GOLGA3: variants seen among roughly 807,000 people sequenced by gnomAD.
GOLGA3 encodes golgin subfamily A member 3.
Under a neutral mutation model 169.4 loss-of-function variants are expected in GOLGA3, and 75 were observed. The observed-to-expected ratio is 0.44, with a 90% CI of 0.37 to 0.54. GOLGA3 has a LOEUF of 0.54. GOLGA3 is among the 20% of genes least tolerant of loss of function. GOLGA3 has a pLI of 0.00. For synonymous variants in GOLGA3, 824 were observed against 822.4 expected (o/e 1.00, Z -0.03); for missense variants, 1,899 against 1,930.0 (o/e 0.98, Z 0.30).
At chr12:132,823,257 T>C (rs889069442) in intron 1 of GOLGA3, among the ~76,000 whole-genome samples, 29 of 152,248 alleles carry the variant, frequency 1.9e-4, no homozygotes, top group African/African-American at 6.8e-4. Context: ...GCCCAACATT[T>C]GGCAAGTGAT....
intron 21 of GOLGA3, among the ~76,000 whole-genome samples, chr12:132,776,084 G>A (rs1309271543): frequency 6.6e-6 from 1 of 152,206 alleles, no homozygotes; most frequent in African/African-American, 2.4e-5. Context: ...CCTGGCCGCA[G>A]GCCGCATGGC....
At position 132,781,027 on chromosome 12, in the gene GOLGA3, T is replaced by A. The variant is rs763433749; in HGVS notation, c.3466-113A>T. 1.7e-5 allele frequency: 13 copies of A among 745,992 alleles called. No homozygotes were observed. In the Admixed American group the frequency reaches 2.5e-4, roughly 14 times the overall value. The allele number at this position is 745,992 out of a possible 1,614,324, so 46.2% of individuals were successfully genotyped here. A position where few individuals can be genotyped will look rare whatever the true frequency, so the allele number is the denominator to read the frequency against. ...ACATCACAGGCACACGCCAGGGAGGTAGAGGGAACTTCACTGCTGAAGAAT... is the reference window on the plus strand; with the variant it reads ...ACATCACAGGCACACGCCAGGGAGGAAGAGGGAACTTCACTGCTGAAGAAT... On this transcript the variant is annotated intron_variant, in intron 17 of 23. Coordinates refer to ENST00000450791, the MANE Select transcript of GOLGA3 (RefSeq NM_001389683.1).
rs1949527070 is a variant in GOLGA3 at position 132,808,338 on chromosome 12, CG to C, written c.730del (p.Arg244GlyfsTer30). The part of the protein sequence containing the change: ...EKKTSKSSKI[R>X]SLADYRTEDS... Reference sequence around the variant, plus strand: ...TTCAGTTCTGTAATCGGCCAGAGACCGGATTTTGCTTGATTTGGAAGTTTTT... The same window carrying C: ...TTCAGTTCTGTAATCGGCCAGAGACCGATTTTGCTTGATTTGGAAGTTTTT... On this transcript the variant is annotated frameshift_variant, in exon 5 of 24. Coordinates refer to ENST00000450791, the MANE Select transcript of GOLGA3 (RefSeq NM_001389683.1). LOFTEE classifies it high-confidence loss of function. 1 of 1,613,962 alleles carries C rather than the reference CG, an allele frequency of 6.2e-7. No homozygotes were observed. The highest frequency in any genetic ancestry group is 1.3e-5 in the African/African-American group (1 of 74,876).
rs1396825497 is a variant in GOLGA3, at chr12:132,813,514, A to G, written c.407-95T>C. On this transcript the variant is annotated intron_variant, in intron 3 of 23. Coordinates refer to ENST00000450791, the MANE Select transcript of GOLGA3 (RefSeq NM_001389683.1). ...TTGGTCATTTTGTACTTAATTACCC[A>G]TATACTTTACACCTAAACAATGCAC... The G allele has an allele frequency of 7.7e-6, 5 of 652,790 alleles. No homozygotes were observed. The East Asian group carries it at 8.2e-5, about 11-fold the overall frequency. 40.4% of individuals were successfully genotyped at this position (652,790 alleles called of 1,614,324 possible).
At chr12:132,800,369 C>T (rs1000343571) in intron 8 of GOLGA3, among the ~76,000 whole-genome samples, 1 of 152,106 alleles carries the variant, frequency 6.6e-6, no homozygotes, top group Non-Finnish European at 1.5e-5. Context: ...TGGCGGGCGC[C>T]TGTAATCCCA....
At chr12:132,778,552 CAG>C (rs531292906) in intron 18 of GOLGA3, among the ~76,000 whole-genome samples, 217 of 151,142 alleles carry the variant, frequency 1.4e-3, no homozygotes, top group Non-Finnish European at 2.6e-3. Flanking sequence ...GCCTGGGCGA[CAG>C]AGCGAGACTC....
At chr12:132,799,458 C>T (rs938893198) in intron 8 of GOLGA3, among the ~76,000 whole-genome samples, 3 of 152,184 alleles carry the variant, frequency 2.0e-5, no homozygotes, top group Admixed American at 1.3e-4. Flanking sequence ...GGCAACATAG[C>T]GAGACCCTGT....
In GOLGA3 at chr12:132,789,263, C is replaced by A; in HGVS notation, c.2575G>T (p.Ala859Ser). The change falls in exon 13 of 24, where the codon GCC (alanine) becomes TCC (serine). Residue 859 changes from alanine (A) to serine (S), a missense_variant. Physicochemically the swap from Ala to Ser is moderately conservative, Grantham distance 99 (BLOSUM62 1). Coordinates refer to ENST00000450791, the MANE Select transcript of GOLGA3 (RefSeq NM_001389683.1). ...CTGATGAGCTGGTCTTTGGAGGTGG[C>A]GTCGCGCCGGTAGGCCTCCACCATC... The part of the protein sequence containing the change: ...KVMVEAYRRD[A>S]TSKDQLISEL... 6.2e-7 allele frequency: 1 copy of A among 1,601,874 alleles called. No homozygotes were observed. Among genetic ancestry groups the A allele is most frequent in the Non-Finnish European group, 8.5e-7 (1 of 1,178,388 alleles).
rs111959746 is a variant in GOLGA3 at position 132,789,690 on chromosome 12, A to C, written c.2548-400T>G. On this transcript the variant is annotated intron_variant, in intron 12 of 23. Transcript: ENST00000450791. ...CCGCCCTTGCTCAGAAATAAAATACAGCAGGCCGGGCGCGGTGGCTCACAC... is the reference window on the plus strand; with the variant it reads ...CCGCCCTTGCTCAGAAATAAAATACCGCAGGCCGGGCGCGGTGGCTCACAC... 1.2e-3 allele frequency among the ~76,000 whole-genome samples: 175 copies of C among 150,550 alleles called. 1 individual carries two copies. Among genetic ancestry groups the C allele is most frequent in the African/African-American group, 4.1e-3 (167 of 40,306 alleles).
At chr12:132,784,062 C>T (rs1322696264) in intron 16 of GOLGA3, 102 bp downstream of exon 16, 2 of 1,561,290 alleles carry the variant, frequency 1.3e-6, no homozygotes, top group Non-Finnish European at 1.7e-6. Flanking sequence ...CAACGCTGGG[C>T]ACACGGTGAA....
At chr12:132,819,340 T>C (rs1207811648) in intron 2 of GOLGA3, among the ~76,000 whole-genome samples, 1 of 151,758 alleles carries the variant, frequency 6.6e-6, no homozygotes, top group Non-Finnish European at 1.5e-5. Flanking sequence ...CTATCCTGGC[T>C]AACACGGCGA....
intron 18 of GOLGA3, among the ~76,000 whole-genome samples, chr12:132,778,357 G>A (rs559819482): frequency 3.3e-5 from 5 of 152,210 alleles, no homozygotes; most frequent in East Asian, 1.9e-4. Flanking sequence ...GGTGGATCAC[G>A]AGGTCAGATC....
Position 132,777,500 on chromosome 12 carries a change from C to T in GOLGA3, c.3722+166G>A, listed in dbSNP as rs1001979211. On this transcript the variant is annotated intron_variant, in intron 19 of 23. Transcript: ENST00000450791. The surrounding 1 kb of genome is among the most constrained non-coding windows in gnomAD (Gnocchi z 4.7). ...AGGACACGGGGCAGTGAGTGAGGCT[C>T]AGGATTCTGGAGACGGAGGCTGGGT... Among the ~76,000 whole-genome samples the T allele has an allele frequency of 3.9e-5, 6 of 152,234 alleles. No individual in the cohort carries two copies. The highest frequency in any genetic ancestry group is 1.4e-4 in the African/African-American group (6 of 41,472).
At chr12:132,792,331 T>A (rs1948569135) in intron 11 of GOLGA3, among the ~76,000 whole-genome samples, 1 of 152,238 alleles carries the variant, frequency 6.6e-6, no homozygotes, top group African/African-American at 2.4e-5. Flanking sequence ...GGGAAAAGAC[T>A]GCAGCTCACA....
At chr12:132,828,952 T>A (rs1950536709), upstream of GOLGA3, 1 of 152,278 alleles carries the variant, frequency 6.6e-6, no homozygotes, top group South Asian at 2.1e-4. Context: ...GAGAACGTCC[T>A]CCTCTTCTTC....
intron 4 of GOLGA3, chr12:132,811,779 A>G: frequency 4.9e-6 from 4 of 824,016 alleles, no homozygotes; most frequent in Non-Finnish European, 5.9e-6. Flanking sequence ...AGTATTTAAA[A>G]ACATAACCTT....
chr12:132,808,981 C>T (rs904614574), intron 4 of GOLGA3, among the ~76,000 whole-genome samples: 6 of 152,090 alleles, frequency 3.9e-5, no homozygotes, highest in South Asian at 2.1e-4. Flanking sequence ...CACCAATGCG[C>T]GGAGACCGGT....
chr12:132,781,858 G>A (rs2045623051), intron 17 of GOLGA3, among the ~76,000 whole-genome samples: 1 of 152,132 alleles, frequency 6.6e-6, no homozygotes, highest in South Asian at 2.1e-4. Context: ...TACAAACAAT[G>A]TCACCGTCTG....
chr12:132,791,113 T>G lies in GOLGA3; in HGVS notation c.2547+103A>C, dbSNP rs901432220. The G allele has an allele frequency of 1.6e-5, 7 of 443,964 alleles. No individual in the cohort carries two copies. In the South Asian group the frequency reaches 1.8e-4, roughly 12 times the overall value. The allele number at this position is 443,964 out of a possible 1,614,324, so 27.5% of individuals were successfully genotyped here. ...TTTAAAGAGAACTCAAGATGTTACC[T>G]TCTTCTCAACTTCAATGACATTGGA... On this transcript the variant is annotated intron_variant, in intron 12 of 23. Transcript: ENST00000450791.
Sources: gnomAD v4.1 joint callset for allele counts (sites outside exome capture counted in the v4.1 genomes callset) on GRCh38, gnomAD v4.1.1 for gene constraint, Gnocchi (gnomAD v3.1) non-coding constraint, MANE v1.5 for transcripts, NCBI Gene and HGNC (gene_info 2026-07-23, HGNC 2026-07-21) for gene names.